The following NHSL1 variants were observed in gnomAD, a reference collection of about 807,000 sequenced individuals.
NHSL1 encodes the protein NHS-like protein 1.
NHSL1 carries 48 observed loss-of-function variants against 95.0 expected under a neutral mutation model. That is an observed-to-expected ratio of 0.51 (90% confidence interval 0.40 to 0.64). The LOEUF is 0.64. Among genes scored for constraint, NHSL1 ranks in the 30% least tolerant of loss-of-function variants. The pLI is 0.00. For missense variants in NHSL1, 1,971 were observed against 2,077.7 expected, an observed-to-expected ratio of 0.95 and a Z score of 1.00; for synonymous variants, 783 against 833.9, an observed-to-expected ratio of 0.94 and a Z score of 1.05.
intron 7 of NHSL1, among the ~76,000 whole-genome samples, chr6:138,427,905 C>T (rs2128191355): frequency 6.6e-6 from 1 of 152,328 alleles, no homozygotes; most frequent in Non-Finnish European, 1.5e-5. Flanking sequence ...CATATGTCCT[C>T]ACTCTCTCTC....
In NHSL1 at chr6:138,437,296, G is replaced by GTATATA. The variant is rs144143973; in HGVS notation, c.665-3622_665-3617dup. Among the ~76,000 whole-genome samples, 75 of 96,114 alleles carry GTATATA rather than the reference G, an allele frequency of 7.8e-4. 1 individual carries two copies. The highest frequency in any genetic ancestry group is 3.0e-3 in the African/African-American group (68 of 22,380). The allele number at this position is 96,114 out of a possible 152,430, so 63.1% of individuals were successfully genotyped here. A position where few individuals can be genotyped will look rare whatever the true frequency, so the allele number is the denominator to read the frequency against. Reference sequence around the variant, plus strand: ...TCTCAAAAAAAAAAAATACACAAATGTATATATATATATATATATATATAC... The same window carrying GTATATA: ...TCTCAAAAAAAAAAAATACACAAATGTATATATATATATATATATATATATATATAC... On this transcript the variant is annotated intron_variant, in intron 5 of 7. Coordinates refer to ENST00000343505, the MANE Select transcript of NHSL1 (RefSeq NM_001144060.2).
At chr6:138,664,973 C>T (rs1785276183) in intron 1 of NHSL1, among the ~76,000 whole-genome samples, 2 of 152,198 alleles carry the variant, frequency 1.3e-5, no homozygotes, top group African/African-American at 2.4e-5. Flanking sequence ...AAAAAACTTG[C>T]TTCACAGCAA....
chr6:138,544,365 T>C (rs137920698), intron 1 of NHSL1, among the ~76,000 whole-genome samples: 38 of 152,062 alleles, frequency 2.5e-4, no homozygotes, highest in African/African-American at 8.0e-4. Flanking sequence ...CCACTGCAAC[T>C]AGATACTCTC....
At chr6:138,450,446 T>C (rs1777155489) in intron 3 of NHSL1, among the ~76,000 whole-genome samples, 1 of 152,252 alleles carries the variant, frequency 6.6e-6, no homozygotes, top group Admixed American at 6.5e-5. Context: ...TACAGCTCTC[T>C]ATGCCCTGGA....
At chr6:138,501,412 A>G (rs59310821), upstream of NHSL1, among the ~76,000 whole-genome samples, 28,725 of 152,126 alleles carry the variant, frequency 0.19, 3,198 homozygotes, top group East Asian at 0.35. Flanking sequence ...ACAAAATAAA[A>G]AAGTTAAGCA....
At chr6:138,531,041 G>A (rs1369372037) in intron 1 of NHSL1, among the ~76,000 whole-genome samples, 1 of 152,096 alleles carries the variant, frequency 6.6e-6, no homozygotes, top group African/African-American at 2.4e-5. Flanking sequence ...ACTATGAGGA[G>A]ACAGCAGTCT....
intron 1 of NHSL1, among the ~76,000 whole-genome samples, chr6:138,562,675 T>A (rs6916879): frequency 0.32 from 48,589 of 151,848 alleles, 11,810 homozygotes; most frequent in African/African-American, 0.69. Flanking sequence ...CACAAAAAAA[T>A]ATATAGCCTA....
chr6:138,655,232 A>G (rs79122911), intron 1 of NHSL1, among the ~76,000 whole-genome samples: 8,795 of 152,290 alleles, frequency 0.058, 269 homozygotes, highest in South Asian at 0.077. Context: ...TAAAAATACA[A>G]TTAAAAATAT....
chr6:138,599,775 A>G (rs570891859), intron 1 of NHSL1, among the ~76,000 whole-genome samples: 9 of 152,268 alleles, frequency 5.9e-5, no homozygotes, highest in African/African-American at 1.9e-4. Context: ...TAACTTTCCA[A>G]TGTCACCTAA....
upstream of NHSL1, among the ~76,000 whole-genome samples, chr6:138,576,873 C>A (rs1383403725): frequency 6.6e-6 from 1 of 152,210 alleles, no homozygotes; most frequent in African/African-American, 2.4e-5. Flanking sequence ...CCCATCACTG[C>A]TGACAAAGGG....
At chr6:138,670,107 T>A (rs1479278804) in intron 1 of NHSL1, among the ~76,000 whole-genome samples, 1 of 148,896 alleles carries the variant, frequency 6.7e-6, no homozygotes, top group Non-Finnish European at 1.5e-5. Flanking sequence ...GGTGACAGAG[T>A]GAGACTCCAT....
At chr6:138,552,278 G>A (rs1783036140) in intron 1 of NHSL1, among the ~76,000 whole-genome samples, 1 of 152,082 alleles carries the variant, frequency 6.6e-6, no homozygotes, top group African/African-American at 2.4e-5. Flanking sequence ...AATTAGCTGG[G>A]CATAGTGGTG....
Position 138,692,206 on chromosome 6 carries a change from A to G in NHSL1, c.96+270T>C, listed in dbSNP as rs1406875253. On this transcript the variant is annotated intron_variant, in intron 1 of 3. Coordinates refer to the NHSL1 transcript ENST00000491526. This position sits in a 1 kb window ranked among gnomAD's most constrained non-coding sequence, Gnocchi z 4.0. ...CAGACAGACACAGACAGACAGAAGG[A>G]GCAGACAAGGGGACTGTCCAATTCC... 3 of 456,662 alleles carry G rather than the reference A, an allele frequency of 6.6e-6. No homozygotes were observed. The highest frequency in any genetic ancestry group is 2.3e-5 in the Admixed American group (1 of 42,588). 28.3% of individuals were successfully genotyped at this position (456,662 alleles called of 1,614,324 possible).
At chr6:138,515,916 T>G (rs1372932753) in intron 1 of NHSL1, among the ~76,000 whole-genome samples, 1 of 152,194 alleles carries the variant, frequency 6.6e-6, no homozygotes, top group Admixed American at 6.5e-5. Context: ...TGAGTGTGTG[T>G]GTCATGAAGG....
intron 1 of NHSL1, among the ~76,000 whole-genome samples, chr6:138,634,769 T>C (rs1002481144): frequency 1.3e-5 from 2 of 151,130 alleles, no homozygotes; most frequent in African/African-American, 4.9e-5. Flanking sequence ...GCATGGATCA[T>C]ACTCAAGGAT....
intron 2 of NHSL1, among the ~76,000 whole-genome samples, chr6:138,474,356 TA>T (rs1209010867): frequency 6.6e-6 from 1 of 152,172 alleles, no homozygotes; most frequent in African/African-American, 2.4e-5. Flanking sequence ...GGCACAGAAC[TA>T]AACTAGGGCA....
chr6:138,604,009 C>G (rs1029525406), intron 1 of NHSL1, among the ~76,000 whole-genome samples: 2 of 152,080 alleles, frequency 1.3e-5, no homozygotes, highest in Admixed American at 1.3e-4. Context: ...GTGTTCAGTA[C>G]CAATACAGTG....
rs574342744 is a variant in NHSL1, at chr6:138,669,632, G to A, written c.96+22844C>T. Among the ~76,000 whole-genome samples, 3 of 152,310 alleles carry A rather than the reference G, an allele frequency of 2.0e-5. No homozygotes were observed. In the East Asian group the frequency reaches 5.8e-4, roughly 29 times the overall value. ...TAAAGGGTTAAAACAGAAGGTTTCT[G>A]GTCTGAGAATACAAAGCACAGTTGA... On this transcript the variant is annotated intron_variant, in intron 1 of 3. Transcript: ENST00000491526.
chr6:138,583,449 G>A (rs951271558), intron 1 of NHSL1, among the ~76,000 whole-genome samples: 4 of 152,128 alleles, frequency 2.6e-5, no homozygotes, highest in African/African-American at 9.7e-5. Flanking sequence ...CACCATTCCT[G>A]ACCTCAGGGA....
Sources: gnomAD v4.1 joint callset for allele counts (sites outside exome capture counted in the v4.1 genomes callset) on GRCh38, gnomAD v4.1.1 for gene constraint, Gnocchi (gnomAD v3.1) non-coding constraint, MANE v1.5 for transcripts, NCBI Gene and HGNC (gene_info 2026-07-23, HGNC 2026-07-21) for gene names.